The following AGBL1 variants were observed in gnomAD, a reference collection of about 807,000 sequenced individuals.
The protein encoded by AGBL1 is cytosolic carboxypeptidase 4.
AGBL1 carries 130 observed loss-of-function variants against 118.9 expected under a neutral mutation model. The ratio of observed to expected loss-of-function variants is 1.09; its 90% confidence interval spans 0.95 to 1.26. The LOEUF (loss-of-function observed/expected upper bound fraction) is 1.26, where lower values mean the gene tolerates loss of function less well. Ranked by LOEUF, AGBL1 falls within the 50% of genes most tolerant of loss-of-function variation. The probability of loss-of-function intolerance (pLI) is 0.00; values close to 1 mark genes in which losing one functional copy is unlikely to be tolerated. For missense variants in AGBL1, 1,584 were observed against 1,298.1 expected (o/e 1.22, Z -3.38); for synonymous variants, 555 against 478.9 (o/e 1.16, Z -2.08).
In AGBL1 at chr15:86,397,442, CTTGG is replaced by C; in HGVS notation, c.2452_2455del (p.Leu818SerfsTer13). On this transcript the variant is annotated frameshift_variant, in exon 18 of 23. Coordinates refer to ENST00000614907, the MANE Select transcript of AGBL1 (RefSeq NM_001386094.1). LOFTEE classifies it high-confidence loss of function. ...ATGCCAGTTGGGTGATGAAGGGTAC[CTTGG>C]AGTTCCTGGTCAGCAGTGACCCTGT... 1.2e-6 allele frequency: 2 copies of C among 1,612,918 alleles called. No individual in the cohort carries two copies. The highest frequency in any genetic ancestry group is 1.7e-6 in the Non-Finnish European group (2 of 1,179,314).
In AGBL1 at chr15:86,247,781, GGC is replaced by G; in HGVS notation, c.638_639del (p.Gly213ValfsTer37). 1.9e-6 allele frequency: 3 copies of G among 1,613,976 alleles called. No homozygotes were observed. Among genetic ancestry groups the G allele is most frequent in the Non-Finnish European group, 2.5e-6 (3 of 1,179,866 alleles). On this transcript the variant is annotated frameshift_variant, in exon 7 of 23. Transcript: ENST00000614907. LOFTEE classifies it high-confidence loss of function. Reference sequence around the variant, plus strand: ...CAACGCCTACGTGCAGATCCGACGGGGCTTGCTGCTCTGCCTCAGGCACATTG... The same window carrying G: ...CAACGCCTACGTGCAGATCCGACGGGTTGCTGCTCTGCCTCAGGCACATTG... Reference protein sequence around the residue: ...TANAYVQIRRGLLLCLRHIAA... With the variant: ...TANAYVQIRRXLLLCLRHIAA...
chr15:86,105,439 C>T (rs1897001135), intron 1 of AGBL1: 1 of 152,190 alleles, frequency 6.6e-6, no homozygotes, highest in Non-Finnish European at 1.5e-5. Context: ...TTAGCGGGGC[C>T]ACCATCACTA....
chr15:87,028,988 G>T, exon 25 of AGBL1: 1 of 751,518 alleles, frequency 1.3e-6, no homozygotes, highest in South Asian at 1.9e-5. Context: ...CCCTTATCTA[G>T]TATATCTACC....
chr15:86,710,178 G>GA (rs34667412), intron 22 of AGBL1, among the ~76,000 whole-genome samples: 125,062 of 152,036 alleles, frequency 0.82, 51,545 homozygotes, highest in Middle Eastern at 0.88. Context: ...GCTGAACTTA[G>GA]AAAAAAATGT....
At position 86,488,907 on chromosome 15, in the gene AGBL1, G is replaced by GAA. The variant is rs199509843; in HGVS notation, c.2556-33894_2556-33893dup. The stretch of plus-strand genomic sequence containing the variant: ...ATCCACCAAGCATTGCTCTTGATAG[G>GAA]AAAAAAAAAATCAAATTTAGTTTTC... On this transcript the variant is annotated intron_variant, in intron 18 of 22. Coordinates refer to ENST00000614907, the MANE Select transcript of AGBL1 (RefSeq NM_001386094.1). 4.6e-3 allele frequency among the ~76,000 whole-genome samples: 677 copies of GAA among 148,636 alleles called. 7 individuals are homozygous for GAA. The highest frequency in any genetic ancestry group is 0.015 in the African/African-American group (612 of 40,616).
chr15:87,010,540 G>C (rs1257438959), intron 24 of AGBL1, among the ~76,000 whole-genome samples: 1 of 152,116 alleles, frequency 6.6e-6, no homozygotes, highest in East Asian at 1.9e-4. Flanking sequence ...GCTGGAGCTG[G>C]GACACTCTTC....
At chr15:86,956,952 C>T (rs995171513) in intron 23 of AGBL1, among the ~76,000 whole-genome samples, 13 of 151,818 alleles carry the variant, frequency 8.6e-5, no homozygotes, top group South Asian at 2.1e-4. Context: ...TGAATTAAAA[C>T]GGTATAGATT....
At position 86,397,546 on chromosome 15, in the gene AGBL1, A is replaced by G; in HGVS notation, c.2555A>G (p.Asn852Ser). Residue 852 changes from asparagine (N) to serine (S), a missense_variant and splice_region_variant, in exon 18 of 23, where the codon AAC becomes AGC. Asn to Ser is a conservative substitution (Grantham distance 46). Coordinates refer to ENST00000614907, the MANE Select transcript of AGBL1 (RefSeq NM_001386094.1). ...MLNPDGVING[N>S]HRCSLSGEDL... Reference sequence around the variant, plus strand: ...AACCCAGATGGTGTCATCAACGGCAAGTATGTCAGGCACCTGGCTCAGCCA... The same window carrying G: ...AACCCAGATGGTGTCATCAACGGCAGGTATGTCAGGCACCTGGCTCAGCCA... 3 of 1,603,498 alleles carry G rather than the reference A, an allele frequency of 1.9e-6. No homozygotes were observed. The highest frequency in any genetic ancestry group is 1.3e-5 in the African/African-American group (1 of 74,794).
chr15:86,177,082 T>C (rs1333356888), intron 5 of AGBL1, among the ~76,000 whole-genome samples: 1 of 152,046 alleles, frequency 6.6e-6, no homozygotes, highest in Non-Finnish European at 1.5e-5. Context: ...AAGACTTGAG[T>C]GGGTTAAAAG....
At chr15:86,794,288 A>T (rs1205026565) in intron 22 of AGBL1, among the ~76,000 whole-genome samples, 1 of 152,250 alleles carries the variant, frequency 6.6e-6, no homozygotes, top group Non-Finnish European at 1.5e-5. Flanking sequence ...TGAAGTACTG[A>T]TATAGGCTAC....
At chr15:86,306,433 C>A (rs1028372308) in intron 17 of AGBL1, among the ~76,000 whole-genome samples, 2 of 152,094 alleles carry the variant, frequency 1.3e-5, no homozygotes, top group Non-Finnish European at 2.9e-5. Context: ...CTGTGTCTGG[C>A]TTATTTCATG....
At chr15:86,857,286 C>G (rs370365481) in intron 22 of AGBL1, among the ~76,000 whole-genome samples, 13 of 152,270 alleles carry the variant, frequency 8.5e-5, no homozygotes, top group East Asian at 5.8e-4. Context: ...GTGGTCATGT[C>G]ACTCACTGGC....
chr15:86,900,878 C>T (rs1267574612), intron 22 of AGBL1, among the ~76,000 whole-genome samples: 3 of 152,156 alleles, frequency 2.0e-5, no homozygotes, highest in Admixed American at 6.5e-5. Flanking sequence ...TACCTGGACC[C>T]TCTCTAATGC....
At chr15:86,806,251 A>G (rs749881278) in intron 22 of AGBL1, among the ~76,000 whole-genome samples, 1 of 152,118 alleles carries the variant, frequency 6.6e-6, no homozygotes, top group Non-Finnish European at 1.5e-5. Context: ...GTCAAGATGG[A>G]AACTGGAATG....
chr15:86,283,143 A>T (rs374304944), intron 16 of AGBL1, among the ~76,000 whole-genome samples: 4 of 152,320 alleles, frequency 2.6e-5, no homozygotes, highest in Non-Finnish European at 4.4e-5. Context: ...AATCAGCCGT[A>T]TCAAGTTATC....
intron 18 of AGBL1, among the ~76,000 whole-genome samples, chr15:86,507,769 C>T (rs2082996336): frequency 6.6e-6 from 1 of 151,950 alleles, no homozygotes; most frequent in Non-Finnish European, 1.5e-5. Flanking sequence ...AAGATAGTGG[C>T]TTAGACAGGG....
intron 22 of AGBL1, among the ~76,000 whole-genome samples, chr15:86,699,505 GT>G (rs1333063424): frequency 1.3e-5 from 2 of 152,018 alleles, no homozygotes; most frequent in African/African-American, 2.4e-5. Context: ...AATCTATTGA[GT>G]TTTCTTTAAT....
intron 21 of AGBL1, among the ~76,000 whole-genome samples, chr15:86,562,718 G>A (rs568384122): frequency 6.6e-6 from 1 of 152,188 alleles, no homozygotes; most frequent in Non-Finnish European, 1.5e-5. Flanking sequence ...AGAAGGAATG[G>A]TACCAGCTCC....
At position 86,094,753 on chromosome 15, in the gene AGBL1, A is replaced by G. The variant is rs553346633; in HGVS notation, c.51+14730A>G. 4.6e-5 allele frequency among the ~76,000 whole-genome samples: 7 copies of G among 152,314 alleles called. No individual in the cohort carries two copies. In the East Asian group the frequency reaches 1.3e-3, roughly 29 times the overall value. On this transcript the variant is annotated intron_variant, in intron 1 of 22. Coordinates refer to ENST00000614907, the MANE Select transcript of AGBL1 (RefSeq NM_001386094.1). ...GACATGGCTACTATGATCTGTTTGTATCAATATAGCACTTCTGATATCAAA... is the reference window on the plus strand; with the variant it reads ...GACATGGCTACTATGATCTGTTTGTGTCAATATAGCACTTCTGATATCAAA...
Sources: gnomAD v4.1 joint callset for allele counts (sites outside exome capture counted in the v4.1 genomes callset) on GRCh38, gnomAD v4.1.1 for gene constraint, MANE v1.5 for transcripts, NCBI Gene and HGNC (gene_info 2026-07-23, HGNC 2026-07-21) for gene names.